Variants in WWOX observed in about 807,000 individuals in gnomAD.
WWOX encodes WW domain-containing oxidoreductase.
A neutral mutation model predicts 46.2 loss-of-function variants in WWOX; 69 were observed. That is an observed-to-expected ratio of 1.49 (90% confidence interval 1.23 to 1.82). The LOEUF is 1.82. Ranked by LOEUF, WWOX falls within the 40% of genes most tolerant of loss-of-function variation. The pLI is 0.00. For synonymous variants in WWOX, 359 were observed against 202.6 expected (o/e 1.77, Z -6.56); for missense variants, 919 against 542.6 (o/e 1.69, Z -6.89).
At chr16:78,920,723 C>T (rs1295634203) in intron 8 of WWOX, among the ~76,000 whole-genome samples, 1 of 152,082 alleles carries the variant, frequency 6.6e-6, no homozygotes, top group Non-Finnish European at 1.5e-5. Context: ...GAAAGTGTGA[C>T]CTACTTTTTA....
At chr16:79,159,385 A>T (rs2050441872) in intron 8 of WWOX, among the ~76,000 whole-genome samples, 1 of 152,232 alleles carries the variant, frequency 6.6e-6, no homozygotes, top group Admixed American at 6.5e-5. Context: ...GATGAATGGC[A>T]TGTCATTTTC....
chr16:78,340,633 G>C (rs187984423), intron 5 of WWOX, among the ~76,000 whole-genome samples: 1 of 121,040 alleles, frequency 8.3e-6, no homozygotes, highest in East Asian at 1.9e-4. Context: ...GGACTCCTCT[G>C]AAGGATGATC....
intron 5 of WWOX, chr16:78,269,036 C>T (rs1271585588): frequency 6.6e-6 from 1 of 152,132 alleles, no homozygotes; most frequent in Non-Finnish European, 1.5e-5. Flanking sequence ...GACACATACT[C>T]CACCATCCCC....
intron 8 of WWOX, among the ~76,000 whole-genome samples, chr16:79,087,999 G>C (rs1391099442): frequency 6.6e-6 from 1 of 152,098 alleles, no homozygotes; most frequent in Admixed American, 6.6e-5. Context: ...TTCCATTCTA[G>C]CTTCTTCTGC....
chr16:78,526,842 G>C (rs953105324), intron 8 of WWOX, among the ~76,000 whole-genome samples: 1 of 152,168 alleles, frequency 6.6e-6, no homozygotes, highest in Non-Finnish European at 1.5e-5. Flanking sequence ...GGAGGGAGGA[G>C]CCAGCCTGGC....
intron 8 of WWOX, among the ~76,000 whole-genome samples, chr16:79,050,404 G>T (rs774322889): frequency 9.1e-4 from 138 of 152,276 alleles, no homozygotes; most frequent in Non-Finnish European, 1.5e-3. Flanking sequence ...CTTTCTTATG[G>T]CAAGGGCAGA....
At chr16:79,183,045 C>T (rs1036868678) in intron 8 of WWOX, among the ~76,000 whole-genome samples, 2 of 152,324 alleles carry the variant, frequency 1.3e-5, no homozygotes, top group Admixed American at 6.5e-5. Flanking sequence ...TCACCCCTGC[C>T]GTCTTCCATG....
chr16:78,983,340 C>A (rs1358808039), intron 8 of WWOX, among the ~76,000 whole-genome samples: 3 of 152,190 alleles, frequency 2.0e-5, no homozygotes, highest in African/African-American at 7.2e-5. Flanking sequence ...TGGTCTCACG[C>A]TTCTTCCGTG....
chr16:78,758,405 C>T (rs936681032), intron 8 of WWOX, among the ~76,000 whole-genome samples: 1 of 152,166 alleles, frequency 6.6e-6, no homozygotes, highest in Admixed American at 6.5e-5. Flanking sequence ...ACTATGTCAC[C>T]AAAATTATTT....
intron 8 of WWOX, among the ~76,000 whole-genome samples, chr16:79,140,210 G>A (rs539627555): frequency 5.3e-5 from 8 of 152,278 alleles, no homozygotes; most frequent in South Asian, 2.1e-4. Context: ...ATTCTAACTC[G>A]TGGCTAAACC....
intron 8 of WWOX, among the ~76,000 whole-genome samples, chr16:78,573,225 G>C (rs565429119): frequency 2.0e-5 from 3 of 152,304 alleles, no homozygotes; most frequent in African/African-American, 7.2e-5. Flanking sequence ...GGCAGAGCTT[G>C]CAGTGAGCCG....
intron 8 of WWOX, among the ~76,000 whole-genome samples, chr16:79,136,830 C>G (rs933818587): frequency 3.3e-5 from 5 of 152,216 alleles, no homozygotes; most frequent in East Asian, 1.9e-4. Flanking sequence ...CCGGGAACTT[C>G]TTAACATTTC....
chr16:78,665,577 G>A (rs1265174957), intron 8 of WWOX, among the ~76,000 whole-genome samples: 2 of 151,990 alleles, frequency 1.3e-5, no homozygotes, highest in Non-Finnish European at 1.5e-5. Flanking sequence ...CCTCTACCAC[G>A]CTGACTGGCA....
chr16:78,821,798 G>A lies in WWOX; in HGVS notation c.1056+389046G>A, dbSNP rs559199982. On this transcript the variant is annotated intron_variant, in intron 8 of 8. Coordinates refer to ENST00000566780, the MANE Select transcript of WWOX (RefSeq NM_016373.4). Reference sequence around the variant, plus strand: ...CTAGCATAGTGTCAGACACAAAATAGTCAGCAAATACCATCGTAGATTCAG... The same window carrying A: ...CTAGCATAGTGTCAGACACAAAATAATCAGCAAATACCATCGTAGATTCAG... Among the ~76,000 whole-genome samples the A allele has an allele frequency of 2.0e-5, 3 of 152,260 alleles. No homozygotes were observed. In the East Asian group the frequency reaches 5.8e-4, roughly 29 times the overall value.
intron 8 of WWOX, among the ~76,000 whole-genome samples, chr16:78,495,529 G>C (rs148497553): frequency 7.2e-6 from 1 of 139,858 alleles, no homozygotes; most frequent in Non-Finnish European, 1.5e-5. Context: ...TTTTTTTGGA[G>C]ATGGAGTCTC....
intron 8 of WWOX, among the ~76,000 whole-genome samples, chr16:78,770,367 TAACTC>T (rs1438877583): frequency 4.6e-5 from 7 of 151,946 alleles, no homozygotes; most frequent in South Asian, 2.1e-4. Flanking sequence ...AAAAAAAATT[TAACTC>T]TAAAGAATCC....
At chr16:79,000,617 C>A (rs1210983159) in intron 8 of WWOX, among the ~76,000 whole-genome samples, 2 of 152,208 alleles carry the variant, frequency 1.3e-5, no homozygotes, top group African/African-American at 4.8e-5. Context: ...GAAAGAGATT[C>A]TCTCCCAGAA....
intron 8 of WWOX, among the ~76,000 whole-genome samples, chr16:79,060,775 A>G (rs2048344633): frequency 6.6e-6 from 1 of 152,208 alleles, no homozygotes; most frequent in African/African-American, 2.4e-5. Context: ...TAAGACTCTC[A>G]GTCTCCTTGC....
chr16:78,512,326 CACT>C (rs2085381867), intron 8 of WWOX, among the ~76,000 whole-genome samples: 1 of 152,074 alleles, frequency 6.6e-6, no homozygotes, highest in Non-Finnish European at 1.5e-5. Flanking sequence ...TGCAGAAATG[CACT>C]ATGATGATAA....
Sources: gnomAD v4.1 joint callset for allele counts (sites outside exome capture counted in the v4.1 genomes callset) on GRCh38, gnomAD v4.1.1 for gene constraint, MANE v1.5 for transcripts, NCBI Gene and HGNC (gene_info 2026-07-23, HGNC 2026-07-21) for gene names.